The following PMFBP1 variants were observed in gnomAD, a reference collection of about 807,000 sequenced individuals.
PMFBP1 encodes polyamine-modulated factor 1-binding protein 1.
Under a neutral mutation model 137.8 loss-of-function variants are expected in PMFBP1, and 131 were observed. The observed-to-expected ratio is 0.95, with a 90% CI of 0.82 to 1.10. PMFBP1 has a LOEUF of 1.10. Ranked by LOEUF, PMFBP1 falls within the 50% of genes least tolerant of loss-of-function variation. PMFBP1 has a pLI of 0.00. For synonymous variants in PMFBP1, 490 were observed against 450.4 expected (o/e 1.09, Z -1.11); for missense variants, 1,199 against 1,175.4 (o/e 1.02, Z -0.29).
At chr16:72,141,832 G>A (rs2042727956) in intron 5 of PMFBP1, among the ~76,000 whole-genome samples, 1 of 151,912 alleles carries the variant, frequency 6.6e-6, no homozygotes, top group Non-Finnish European at 1.5e-5. Context: ...ATTGGATATT[G>A]TACTATTGTC....
the PMFBP1 span, among the ~76,000 whole-genome samples, chr16:72,225,517 C>T: frequency 6.6e-6 from 1 of 151,748 alleles, no homozygotes; most frequent in African/African-American, 2.4e-5. Flanking sequence ...CAGCAAGACC[C>T]CATGTCTTTA....
At chr16:72,164,335 A>G in intron 3 of PMFBP1, 1 of 1,139,336 alleles carries the variant, frequency 8.8e-7, no homozygotes, top group Non-Finnish European at 1.2e-6. Flanking sequence ...AGGTGCAGCA[A>G]TAAAGACCCC....
At chr16:72,152,318 C>T (rs928322550) in intron 4 of PMFBP1, among the ~76,000 whole-genome samples, 12 of 152,246 alleles carry the variant, frequency 7.9e-5, no homozygotes, top group African/African-American at 2.2e-4. Context: ...TGTATTCTCC[C>T]GCTCTTCCTT....
chr16:72,140,710 T>G, intron 5 of PMFBP1, 128 bp from the exon 6 acceptor site: 1 of 897,212 alleles, frequency 1.1e-6, no homozygotes, highest in Non-Finnish European at 1.7e-6. Flanking sequence ...AATCATGGTT[T>G]CCTTAACAAA....
At chr16:72,140,707 G>C in intron 5 of PMFBP1, 125 bp from the exon 6 acceptor site, 3 of 922,378 alleles carry the variant, frequency 3.3e-6, no homozygotes, top group Non-Finnish European at 4.8e-6. Context: ...GGAAATCATG[G>C]TTTCCTTAAC....
the PMFBP1 span, among the ~76,000 whole-genome samples, chr16:72,244,624 T>C: frequency 2.6e-5 from 4 of 152,198 alleles, no homozygotes; most frequent in South Asian, 6.2e-4. Context: ...CATCTAAAGA[T>C]TTCTTTTCCT....
the PMFBP1 span, among the ~76,000 whole-genome samples, chr16:72,235,057 T>G: frequency 1.3e-5 from 2 of 152,170 alleles, no homozygotes; most frequent in Non-Finnish European, 2.9e-5. Flanking sequence ...ATGTCCAATT[T>G]GTCTATTTTT....
At chr16:72,207,682 T>C in the PMFBP1 span, among the ~76,000 whole-genome samples, 2 of 147,116 alleles carry the variant, frequency 1.4e-5, no homozygotes, top group Non-Finnish European at 3.0e-5. Flanking sequence ...ACAGTCCAGG[T>C]TCCCCAGAGA....
At chr16:72,225,321 A>T in the PMFBP1 span, among the ~76,000 whole-genome samples, 2 of 152,126 alleles carry the variant, frequency 1.3e-5, no homozygotes, top group African/African-American at 4.8e-5. Flanking sequence ...TGCCTGTTTC[A>T]CTTAGTCTCC....
intron 3 of PMFBP1, among the ~76,000 whole-genome samples, chr16:72,157,025 A>G (rs934237914): frequency 6.6e-6 from 1 of 151,406 alleles, no homozygotes; most frequent in Non-Finnish European, 1.5e-5. Flanking sequence ...ATCTCTACTA[A>G]AAATAAAAAA....
the PMFBP1 span, among the ~76,000 whole-genome samples, chr16:72,237,083 C>A: frequency 1.3e-5 from 2 of 152,134 alleles, no homozygotes; most frequent in Non-Finnish European, 2.9e-5. Context: ...CCCACATGCC[C>A]AACATGTAGT....
At chr16:72,175,865 C>A (rs539483374), upstream of PMFBP1, among the ~76,000 whole-genome samples, 1 of 152,154 alleles carries the variant, frequency 6.6e-6, no homozygotes, top group South Asian at 2.1e-4. Context: ...AATGTGTGAG[C>A]CCCATGAACA....
the PMFBP1 span, among the ~76,000 whole-genome samples, chr16:72,208,908 T>G: frequency 1.3e-5 from 2 of 152,194 alleles, no homozygotes; most frequent in Non-Finnish European, 2.9e-5. Context: ...CCCCATCTGA[T>G]CAGTGCAATG....
chr16:72,170,962 G>C (rs1008510156), intron 2 of PMFBP1, among the ~76,000 whole-genome samples: 9 of 152,114 alleles, frequency 5.9e-5, no homozygotes, highest in African/African-American at 2.2e-4. Context: ...ATATTTTCTA[G>C]ATAAGGCAAA....
chr16:72,182,720 GTAGCCTCTCCCTCTCCAGTAGTTCTTC>G, the PMFBP1 span, among the ~76,000 whole-genome samples: 2 of 152,198 alleles, frequency 1.3e-5, no homozygotes, highest in Admixed American at 1.3e-4. Flanking sequence ...ACCTTGTGCT[GTAGCCTCTCCCTCTCCAGTAGTTCTTC>G]TTATTACCAT....
chr16:72,149,954 T>C (rs1328310189), intron 5 of PMFBP1, among the ~76,000 whole-genome samples: 3 of 152,128 alleles, frequency 2.0e-5, no homozygotes, highest in Non-Finnish European at 4.4e-5. Flanking sequence ...AGGAGGAGAA[T>C]GATGGGGAAG....
intron 7 of PMFBP1, 150 bp downstream of exon 7, chr16:72,139,139 C>A: frequency 1.6e-6 from 1 of 624,984 alleles, no homozygotes; most frequent in Non-Finnish European, 2.8e-6. Flanking sequence ...ACATTATACA[C>A]AGTATCCTTG....
At chr16:72,211,451 C>T in the PMFBP1 span, among the ~76,000 whole-genome samples, 3 of 152,112 alleles carry the variant, frequency 2.0e-5, no homozygotes, top group African/African-American at 7.2e-5. Flanking sequence ...AGTCCTGCTC[C>T]CACTCCCAAA....
At chr16:72,213,140 A>G in the PMFBP1 span, among the ~76,000 whole-genome samples, 2 of 150,730 alleles carry the variant, frequency 1.3e-5, no homozygotes, top group Admixed American at 1.3e-4. Flanking sequence ...TCAACTTAAG[A>G]AAGTGGTGAA....
Sources: allele counts gnomAD v4.1 joint callset (sites outside exome capture counted in the v4.1 genomes callset), GRCh38; gene constraint gnomAD v4.1.1; transcripts MANE v1.5; gene names NCBI Gene and HGNC (gene_info 2026-07-23, HGNC 2026-07-21).